The following DLG2 variants were observed in gnomAD, a reference collection of about 807,000 sequenced individuals.
DLG2 encodes the protein disks large homolog 2.
DLG2 carries 45 observed loss-of-function variants against 132.5 expected under a neutral mutation model. That is an observed-to-expected ratio of 0.34 (90% CI 0.27 to 0.44). The LOEUF is 0.44. DLG2 is among the 20% of genes least tolerant of loss of function. The pLI, the probability that DLG2 is intolerant of heterozygous loss-of-function variation, is 1.00. For missense variants in DLG2, 1,045 were observed against 1,196.9 expected (o/e 0.87, Z 1.87); for synonymous variants, 424 against 419.6 (o/e 1.01, Z -0.13).
chr11:83,723,727 A>C (rs143878439), intron 18 of DLG2, among the ~76,000 whole-genome samples: 3 of 151,916 alleles, frequency 2.0e-5, no homozygotes, highest in African/African-American at 7.3e-5. Context: ...ATGGTGGCAC[A>C]TGGCTGTAGT....
chr11:84,732,515 C>G (rs1025321132), intron 6 of DLG2, among the ~76,000 whole-genome samples: 3 of 151,900 alleles, frequency 2.0e-5, no homozygotes, highest in African/African-American at 7.3e-5. Flanking sequence ...CTTAATGACT[C>G]ATTGTGTTGA....
rs141023745 is a variant in DLG2 at position 84,566,096 on chromosome 11, C to A, written c.358-31365G>T. ...GCCTCAGCCTCTGGAGTAGCTGGGA[C>A]TAAAGCAGCACTCAACCACGCCCAG... On this transcript the variant is annotated intron_variant, in intron 6 of 27. Coordinates refer to ENST00000376104, the MANE Select transcript of DLG2 (RefSeq NM_001142699.3). Among the ~76,000 whole-genome samples the A allele has an allele frequency of 7.4e-3, 1,125 of 151,524 alleles. 7 individuals carry two copies. The highest frequency in any genetic ancestry group is 0.011 in the Non-Finnish European group (753 of 67,854).
At position 85,517,811 on chromosome 11, in the gene DLG2, C is replaced by A. The variant is rs11234356; in HGVS notation, c.40+80846G>T. 4.3e-4 allele frequency among the ~76,000 whole-genome samples: 65 copies of A among 152,168 alleles called. 1 individual carries two copies. Among genetic ancestry groups the A allele is most frequent in the Non-Finnish European group, 7.4e-4 (50 of 67,988 alleles). On this transcript the variant is annotated intron_variant, in intron 3 of 27. Transcript: ENST00000376104. Reference sequence around the variant, plus strand: ...ACCCAAATCTCATCATGAATTCCCACGTGTTGTGGGATGGACCCAGTGGGA... The same window carrying A: ...ACCCAAATCTCATCATGAATTCCCAAGTGTTGTGGGATGGACCCAGTGGGA...
intron 3 of DLG2, among the ~76,000 whole-genome samples, chr11:85,459,529 C>T (rs577654623): frequency 7.9e-5 from 12 of 152,246 alleles, no homozygotes; most frequent in African/African-American, 1.9e-4. Context: ...AGAGACATTC[C>T]GTGGGTATGC....
chr11:84,262,842 G>A (rs2097565151), intron 7 of DLG2, among the ~76,000 whole-genome samples: 1 of 152,062 alleles, frequency 6.6e-6, no homozygotes, highest in Non-Finnish European at 1.5e-5. Flanking sequence ...CCAGGTCACT[G>A]CAAATGCTGT....
chr11:85,233,602 A>C (rs141481502), intron 4 of DLG2, among the ~76,000 whole-genome samples: 33 of 152,068 alleles, frequency 2.2e-4, no homozygotes, highest in African/African-American at 7.9e-4. Flanking sequence ...ACCAGAGATA[A>C]AGGGGACAGT....
intron 24 of DLG2, among the ~76,000 whole-genome samples, chr11:83,470,468 C>T (rs2091888782): frequency 6.6e-6 from 1 of 152,084 alleles, no homozygotes; most frequent in African/African-American, 2.4e-5. Context: ...TTGACTATCA[C>T]AAAATGGTTC....
At position 85,314,498 on chromosome 11, in the gene DLG2, A is replaced by G. The variant is rs901356786; in HGVS notation, c.41-29133T>C. On this transcript the variant is annotated intron_variant, in intron 3 of 27. Coordinates refer to ENST00000376104, the MANE Select transcript of DLG2 (RefSeq NM_001142699.3). The stretch of plus-strand genomic sequence containing the variant: ...ATTATACATGCACACACATATACAT[A>G]TAATATATATACATCCTAATTTTGT... Among the ~76,000 whole-genome samples the G allele has an allele frequency of 2.6e-5, 4 of 151,980 alleles. No homozygotes were observed. In the East Asian group the frequency reaches 5.8e-4, roughly 22 times the overall value.
chr11:85,514,225 G>T (rs987001235), intron 3 of DLG2, among the ~76,000 whole-genome samples: 26 of 151,962 alleles, frequency 1.7e-4, no homozygotes, highest in Admixed American at 8.5e-4. Flanking sequence ...TTGTAAGATA[G>T]ATACTAGTAT....
intron 4 of DLG2, among the ~76,000 whole-genome samples, chr11:85,169,784 T>C (rs1240113216): frequency 6.6e-6 from 1 of 152,168 alleles, no homozygotes; most frequent in Non-Finnish European, 1.5e-5. Flanking sequence ...TAGCTTCAGA[T>C]AAAGAACCTT....
chr11:85,160,546 C>G (rs2077947903), intron 4 of DLG2, among the ~76,000 whole-genome samples: 1 of 152,156 alleles, frequency 6.6e-6, no homozygotes, highest in Non-Finnish European at 1.5e-5. Context: ...CCTGAACTGC[C>G]TATCATGAAC....
At chr11:83,951,056 G>A (rs1480062433) in intron 14 of DLG2, among the ~76,000 whole-genome samples, 2 of 152,100 alleles carry the variant, frequency 1.3e-5, no homozygotes, top group Non-Finnish European at 2.9e-5. Context: ...GAAAAGAAAT[G>A]TAGAGGAAAA....
At chr11:85,356,979 A>C (rs2083750425) in intron 3 of DLG2, among the ~76,000 whole-genome samples, 1 of 152,186 alleles carries the variant, frequency 6.6e-6, no homozygotes, top group Non-Finnish European at 1.5e-5. Context: ...TTCTTATGTC[A>C]GTCAAACCTA....
intron 6 of DLG2, among the ~76,000 whole-genome samples, chr11:84,868,961 C>A (rs1024801536): frequency 2.6e-5 from 4 of 152,124 alleles, no homozygotes; most frequent in African/African-American, 9.7e-5. Context: ...AGTGACTAAA[C>A]TATGTCAAGC....
At chr11:85,505,862 G>A (rs1266992561) in intron 3 of DLG2, among the ~76,000 whole-genome samples, 1 of 152,096 alleles carries the variant, frequency 6.6e-6, no homozygotes, top group Non-Finnish European at 1.5e-5. Context: ...ACTTTTTGTG[G>A]TTGGTAGGCT....
chr11:85,457,424 T>A (rs966982796), intron 3 of DLG2, among the ~76,000 whole-genome samples: 2 of 152,180 alleles, frequency 1.3e-5, no homozygotes, highest in African/African-American at 2.4e-5. Context: ...CTGGGGGAAT[T>A]TAGCCCATTC....
chr11:84,127,771 C>G (rs1217441021), intron 9 of DLG2, among the ~76,000 whole-genome samples: 2 of 152,070 alleles, frequency 1.3e-5, no homozygotes, highest in East Asian at 3.9e-4. Flanking sequence ...TTCTTATGTG[C>G]GTATCTGTCT....
chr11:85,383,638 A>G (rs887983352), intron 3 of DLG2, among the ~76,000 whole-genome samples: 2 of 152,208 alleles, frequency 1.3e-5, no homozygotes, highest in African/African-American at 4.8e-5. Flanking sequence ...AACGTCAACT[A>G]TCCGGCATAA....
intron 6 of DLG2, among the ~76,000 whole-genome samples, chr11:84,634,942 A>G (rs2099638122): frequency 6.6e-6 from 1 of 152,198 alleles, no homozygotes; most frequent in Non-Finnish European, 1.5e-5. Flanking sequence ...GGAAATGGAG[A>G]GGCAATAGAT....
Sources: allele counts gnomAD v4.1 joint callset (sites outside exome capture counted in the v4.1 genomes callset), GRCh38; gene constraint gnomAD v4.1.1; transcripts MANE v1.5; gene names NCBI Gene and HGNC (gene_info 2026-07-23, HGNC 2026-07-21).